The following GRM8 variants were observed in gnomAD, a reference collection of about 807,000 sequenced individuals.
The protein encoded by GRM8 is glutamate metabotropic receptor 8, also known as metabotropic glutamate receptor 8.
In GRM8, 47 loss-of-function variants were observed where a neutral mutation model predicts 87.2. The observed-to-expected ratio is 0.54, with a 90% CI of 0.43 to 0.69. The LOEUF is 0.69. GRM8 is among the 30% of genes least tolerant of loss of function. The probability of loss-of-function intolerance (pLI) is 0.00; values close to 1 mark genes in which losing one functional copy is unlikely to be tolerated. For synonymous variants in GRM8, 396 were observed against 404.5 expected, an observed-to-expected ratio of 0.98 and a Z score of 0.25; for missense variants, 1,019 against 1,139.2, an observed-to-expected ratio of 0.89 and a Z score of 1.52.
At chr7:126,755,950 A>G (rs1292466637) in intron 7 of GRM8, among the ~76,000 whole-genome samples, 2 of 152,016 alleles carry the variant, frequency 1.3e-5, no homozygotes, top group Admixed American at 1.3e-4. Context: ...TCCATGGGTA[A>G]TTCTTCAATT....
intron 6 of GRM8, among the ~76,000 whole-genome samples, chr7:126,878,558 C>T (rs974611494): frequency 1.4e-4 from 20 of 138,988 alleles, no homozygotes; most frequent in Admixed American, 7.0e-4. Flanking sequence ...CTTGCTCTGT[C>T]GCACAGGCTG....
intron 3 of GRM8, among the ~76,000 whole-genome samples, chr7:126,969,804 G>T (rs940406824): frequency 1.3e-5 from 2 of 152,022 alleles, no homozygotes; most frequent in Non-Finnish European, 2.9e-5. Flanking sequence ...TCGCTATCTA[G>T]GAAACCTATA....
At chr7:126,496,822 A>T (rs1000971792) in intron 9 of GRM8, among the ~76,000 whole-genome samples, 9 of 151,798 alleles carry the variant, frequency 5.9e-5, no homozygotes, top group African/African-American at 2.2e-4. Context: ...GATTTCTCAC[A>T]TTGTTCCTCA....
intron 3 of GRM8, among the ~76,000 whole-genome samples, chr7:127,105,923 A>G (rs1358906341): frequency 6.6e-6 from 1 of 152,252 alleles, no homozygotes; most frequent in Non-Finnish European, 1.5e-5. Context: ...CAGGACAGAC[A>G]TCAGCAGCAC....
intron 2 of GRM8, among the ~76,000 whole-genome samples, chr7:127,187,056 C>A (rs11563698): frequency 5.9e-5 from 9 of 152,292 alleles, no homozygotes; most frequent in African/African-American, 2.2e-4. Flanking sequence ...AAGTGCTGCA[C>A]AATTCAGTGA....
chr7:127,002,849 C>T (rs1330562370), intron 3 of GRM8, among the ~76,000 whole-genome samples: 1 of 151,636 alleles, frequency 6.6e-6, no homozygotes, highest in Non-Finnish European at 1.5e-5. Flanking sequence ...TAATAAAGTT[C>T]ACTTTCTCTA....
intron 2 of GRM8, among the ~76,000 whole-genome samples, chr7:127,147,742 A>G (rs565610392): frequency 6.6e-6 from 1 of 150,532 alleles, no homozygotes; most frequent in East Asian, 1.9e-4. Flanking sequence ...TAATGCCTGA[A>G]TCCTTTTACA....
At chr7:127,054,174 C>G (rs1397120774) in intron 3 of GRM8, among the ~76,000 whole-genome samples, 1 of 152,164 alleles carries the variant, frequency 6.6e-6, no homozygotes, top group East Asian at 1.9e-4. Flanking sequence ...CATTGACCTA[C>G]AACTTTATAT....
At chr7:126,611,973 A>G (rs984986167) in intron 7 of GRM8, among the ~76,000 whole-genome samples, 2 of 152,188 alleles carry the variant, frequency 1.3e-5, no homozygotes, top group South Asian at 4.1e-4. Context: ...TAAAGCAGTT[A>G]TAAGTGTGGG....
chr7:127,243,301 T>A lies in GRM8; in HGVS notation c.-97A>T, dbSNP rs1053320955. 3 of 1,101,662 alleles carry A rather than the reference T, an allele frequency of 2.7e-6. No individual in the cohort carries two copies. The South Asian group carries it at 4.5e-5, about 17-fold the overall frequency. The allele number at this position is 1,101,662 out of a possible 1,614,324, so 68.2% of individuals were successfully genotyped here. Reference sequence around the variant, plus strand: ...AGGCTGCACCTTCTGGAGGCTACCATCAGGGCCCATGGGGAAAAGGCTCTG... The same window carrying A: ...AGGCTGCACCTTCTGGAGGCTACCAACAGGGCCCATGGGGAAAAGGCTCTG... On this transcript the variant is annotated 5_prime_UTR_variant, in exon 2 of 11. It removes an upstream start codon present in the reference 5' UTR. Transcript: ENST00000339582.
intron 3 of GRM8, among the ~76,000 whole-genome samples, chr7:126,974,212 A>G (rs559300031): frequency 6.6e-6 from 1 of 152,360 alleles, no homozygotes; most frequent in East Asian, 1.9e-4. Flanking sequence ...TAAATATTCC[A>G]AAATACAGAA....
At chr7:127,052,071 T>C (rs1819545903) in intron 3 of GRM8, among the ~76,000 whole-genome samples, 1 of 152,208 alleles carries the variant, frequency 6.6e-6, no homozygotes, top group South Asian at 2.1e-4. Context: ...TTTTTCTGTA[T>C]AGTTAAAATG....
At position 126,562,091 on chromosome 7, in the gene GRM8, C is replaced by G. The variant is rs1238888305; in HGVS notation, c.1495-28204G>C. On this transcript the variant is annotated intron_variant, in intron 8 of 10. Coordinates refer to ENST00000339582, the MANE Select transcript of GRM8 (RefSeq NM_000845.3). Reference sequence around the variant, plus strand: ...CTTAGAAAACATTATTCCCCTATACCCTGATATCTGAAAATATAATTCAGA... The same window carrying G: ...CTTAGAAAACATTATTCCCCTATACGCTGATATCTGAAAATATAATTCAGA... Among the ~76,000 whole-genome samples, 5 of 151,576 alleles carry G rather than the reference C, an allele frequency of 3.3e-5. 1 individual carries two copies. Among genetic ancestry groups the G allele is most frequent in the African/African-American group, 1.2e-4 (5 of 41,330 alleles).
chr7:126,892,659 G>T (rs549460320), intron 6 of GRM8, among the ~76,000 whole-genome samples: 5 of 152,148 alleles, frequency 3.3e-5, no homozygotes, highest in African/African-American at 1.2e-4. Context: ...CCCAGTAATG[G>T]GTTGGCTGGG....
At chr7:126,979,837 C>G (rs1425425724) in intron 3 of GRM8, among the ~76,000 whole-genome samples, 1 of 152,200 alleles carries the variant, frequency 6.6e-6, no homozygotes, top group Admixed American at 6.5e-5. Context: ...TTCCCAAGTC[C>G]CACACTGCTT....
At chr7:126,830,405 T>C (rs75228327) in intron 6 of GRM8, among the ~76,000 whole-genome samples, 2 of 152,190 alleles carry the variant, frequency 1.3e-5, no homozygotes, top group African/African-American at 2.4e-5. Context: ...TTCATTTCTT[T>C]TTATTATTTT....
intron 7 of GRM8, among the ~76,000 whole-genome samples, chr7:126,633,132 C>T (rs142898433): frequency 1.5e-3 from 233 of 152,094 alleles, no homozygotes; most frequent in African/African-American, 5.4e-3. Context: ...CAATACACAT[C>T]GTATCAATGG....
intron 6 of GRM8, among the ~76,000 whole-genome samples, chr7:126,808,408 A>T (rs991321902): frequency 6.6e-6 from 1 of 152,190 alleles, no homozygotes; most frequent in African/African-American, 2.4e-5. Flanking sequence ...AAATCTCTCA[A>T]TTCAGATCTG....
intron 8 of GRM8, among the ~76,000 whole-genome samples, chr7:126,584,252 G>A (rs149664524): frequency 6.6e-6 from 1 of 152,016 alleles, no homozygotes; most frequent in African/African-American, 2.4e-5. Flanking sequence ...TTGAGACAGA[G>A]TCTCACACCA....
Sources: allele counts gnomAD v4.1 joint callset (sites outside exome capture counted in the v4.1 genomes callset), GRCh38; gene constraint gnomAD v4.1.1; transcripts MANE v1.5; gene names NCBI Gene and HGNC (gene_info 2026-07-23, HGNC 2026-07-21).